Variants in NAV2 observed in about 807,000 individuals in gnomAD.
NAV2 encodes the protein neuron navigator 2.
NAV2 carries 54 observed loss-of-function variants against 223.2 expected under a neutral mutation model. That is an observed-to-expected ratio of 0.24 (90% CI 0.19 to 0.30). The LOEUF is 0.30. NAV2 is among the 10% of genes least tolerant of loss of function. The pLI is 1.00. For missense variants in NAV2, 2,806 were observed against 3,147.5 expected (o/e 0.89, Z 2.60); for synonymous variants, 1,279 against 1,239.3 (o/e 1.03, Z -0.67).
chr11:20,086,218 A>G (rs574883008), intron 26 of NAV2, among the ~76,000 whole-genome samples: 39 of 152,326 alleles, frequency 2.6e-4, no homozygotes, highest in Non-Finnish European at 4.9e-4. Context: ...CTGAATTTAC[A>G]AAGATCAGTC....
At chr11:19,755,954 T>C (rs757338172) in intron 1 of NAV2, among the ~76,000 whole-genome samples, 1 of 152,220 alleles carries the variant, frequency 6.6e-6, no homozygotes, top group Non-Finnish European at 1.5e-5. Context: ...ACAAGATAAC[T>C]GCACAGCCTA....
intron 1 of NAV2, among the ~76,000 whole-genome samples, chr11:19,618,640 T>C (rs1590695916): frequency 6.6e-6 from 1 of 151,938 alleles, no homozygotes; most frequent in East Asian, 1.9e-4. Flanking sequence ...GCTGTGGTGG[T>C]GGGGAGCCAT....
At chr11:19,963,214 CTCACTTACTCTT>C (rs1349790101) in intron 10 of NAV2, among the ~76,000 whole-genome samples, 1 of 152,164 alleles carries the variant, frequency 6.6e-6, no homozygotes, top group Non-Finnish European at 1.5e-5. Context: ...CATGCTTTTT[CTCACTTACTCTT>C]TCCACTAGTT....
At chr11:19,483,117 C>G (rs1054811073) in intron 1 of NAV2, among the ~76,000 whole-genome samples, 2 of 152,208 alleles carry the variant, frequency 1.3e-5, no homozygotes, top group African/African-American at 4.8e-5. Context: ...ACAAGATCCT[C>G]AAAACAATTT....
Position 19,713,379 on chromosome 11 carries a change from C to T in NAV2, c.-317C>T. The T allele has an allele frequency of 8.5e-7, 1 of 1,181,954 alleles. No homozygotes were observed. 73.2% of individuals were successfully genotyped at this position (1,181,954 alleles called of 1,614,324 possible). ...CCTCTGTTTCCCAGGAGGAAATTTG[C>T]AAGAGGCGGCAGCCCCTGAGCGCCC... is the stretch of plus-strand genomic sequence containing the variant. On this transcript the variant is annotated 5_prime_UTR_variant, in exon 1 of 38. Transcript: ENST00000349880. This position sits in a 1 kb window ranked among gnomAD's most constrained non-coding sequence, Gnocchi z 7.2.
chr11:19,556,737 A>G (rs1446190868), intron 1 of NAV2, among the ~76,000 whole-genome samples: 1 of 152,254 alleles, frequency 6.6e-6, no homozygotes, highest in Non-Finnish European at 1.5e-5. Context: ...AATATTTTAA[A>G]TTACATGCAA....
chr11:20,090,228 T>G (rs2034029), intron 26 of NAV2, among the ~76,000 whole-genome samples: 5 of 152,196 alleles, frequency 3.3e-5, no homozygotes, highest in Non-Finnish European at 7.3e-5. Context: ...TCTTTAAAAC[T>G]GTAAGCTGAC....
At chr11:19,627,605 T>C (rs1590721549) in intron 1 of NAV2, among the ~76,000 whole-genome samples, 1 of 152,074 alleles carries the variant, frequency 6.6e-6, no homozygotes. Flanking sequence ...CTTTACCAAA[T>C]TGGGAAAGTT....
intron 1 of NAV2, among the ~76,000 whole-genome samples, chr11:19,364,067 G>C (rs1339899555): frequency 6.6e-6 from 1 of 152,150 alleles, no homozygotes; most frequent in Non-Finnish European, 1.5e-5. Flanking sequence ...CCCCTCCCCA[G>C]AGGGTGGGGC....
At chr11:19,692,051 C>T (rs2049189910) in intron 1 of NAV2, among the ~76,000 whole-genome samples, 1 of 152,230 alleles carries the variant, frequency 6.6e-6, no homozygotes, top group Non-Finnish European at 1.5e-5. Flanking sequence ...TCTGTGATTC[C>T]ATGGCCAAGT....
chr11:19,437,678 T>C (rs1045333303), intron 1 of NAV2, among the ~76,000 whole-genome samples: 2 of 151,658 alleles, frequency 1.3e-5, no homozygotes, highest in Non-Finnish European at 2.9e-5. Context: ...CCATTGGTTA[T>C]AACATTCACT....
At chr11:19,924,417 C>T (rs1393705829) in intron 6 of NAV2, among the ~76,000 whole-genome samples, 1 of 152,060 alleles carries the variant, frequency 6.6e-6, no homozygotes, top group Non-Finnish European at 1.5e-5. Context: ...AAAGGATTAC[C>T]TTGTCACATA....
At position 20,049,734 on chromosome 11, in the gene NAV2, C is replaced by A. The variant is rs879026025; in HGVS notation, c.4371-102C>A. On this transcript the variant is annotated intron_variant, in intron 15 of 37. Transcript: ENST00000349880. ...CAGTTTCTGCATATAGGGAAGAAAGCGAGGATCAGCATGGGGAATGAAAAA... is the reference window on the plus strand; with the variant it reads ...CAGTTTCTGCATATAGGGAAGAAAGAGAGGATCAGCATGGGGAATGAAAAA... 3.0e-5 allele frequency: 33 copies of A among 1,111,444 alleles called. No individual in the cohort carries two copies. The South Asian group carries it at 3.7e-4, about 12-fold the overall frequency. The allele number at this position is 1,111,444 out of a possible 1,614,324, so 68.8% of individuals were successfully genotyped here.
chr11:19,721,755 C>G (rs2050765955), intron 1 of NAV2, among the ~76,000 whole-genome samples: 1 of 152,198 alleles, frequency 6.6e-6, no homozygotes, highest in African/African-American at 2.4e-5. Context: ...TAGTATTATT[C>G]TATCCATTTC....
chr11:19,436,007 C>A (rs1217539209), intron 1 of NAV2, among the ~76,000 whole-genome samples: 3 of 152,072 alleles, frequency 2.0e-5, no homozygotes, highest in Non-Finnish European at 4.4e-5. Flanking sequence ...TATTTCCCCC[C>A]AGTCTCTGTG....
chr11:19,380,801 C>G (rs1037228315), intron 1 of NAV2, among the ~76,000 whole-genome samples: 1 of 152,218 alleles, frequency 6.6e-6, no homozygotes. Context: ...AACAAAGAAC[C>G]ACTTGTGTAA....
intron 1 of NAV2, among the ~76,000 whole-genome samples, chr11:19,487,815 T>G (rs1393112441): frequency 6.6e-6 from 1 of 151,162 alleles, no homozygotes; most frequent in Non-Finnish European, 1.5e-5. Flanking sequence ...AAGCCATGAC[T>G]GTAGCCCCAG....
intron 1 of NAV2, among the ~76,000 whole-genome samples, chr11:19,568,001 T>C (rs1310840817): frequency 2.6e-5 from 4 of 152,214 alleles, no homozygotes; most frequent in Admixed American, 6.5e-5. Flanking sequence ...GGCTGTGCAC[T>C]CTCTGAGGGC....
chr11:19,888,939 A>G (rs1176822810), intron 5 of NAV2, among the ~76,000 whole-genome samples: 2 of 152,098 alleles, frequency 1.3e-5, no homozygotes, highest in Non-Finnish European at 1.5e-5. Context: ...GTATTTTACC[A>G]ATACATCTGT....
Sources: gnomAD v4.1 joint callset for allele counts (sites outside exome capture counted in the v4.1 genomes callset) on GRCh38, gnomAD v4.1.1 for gene constraint, Gnocchi (gnomAD v3.1) non-coding constraint, MANE v1.5 for transcripts, NCBI Gene and HGNC (gene_info 2026-07-23, HGNC 2026-07-21) for gene names.